MACROD2: variants seen among roughly 807,000 people sequenced by gnomAD.
MACROD2 encodes ADP-ribose glycohydrolase MACROD2.
MACROD2 carries 36 observed loss-of-function variants against 70.4 expected under a neutral mutation model. The observed-to-expected ratio is 0.51, with a 90% CI of 0.39 to 0.68. The LOEUF (loss-of-function observed/expected upper bound fraction) is 0.68. Among genes scored for constraint, MACROD2 ranks in the 30% least tolerant of loss-of-function variants. The pLI, the probability that MACROD2 is intolerant of heterozygous loss-of-function variation, is 0.00. For missense variants in MACROD2, 496 were observed against 538.4 expected, an observed-to-expected ratio of 0.92 and a Z score of 0.78; for synonymous variants, 172 against 178.8, an observed-to-expected ratio of 0.96 and a Z score of 0.30.
chr20:14,997,311 A>G (rs1200792397), intron 5 of MACROD2, among the ~76,000 whole-genome samples: 1 of 152,170 alleles, frequency 6.6e-6, no homozygotes, highest in Non-Finnish European at 1.5e-5. Flanking sequence ...CTGGGCCAGA[A>G]GGGAACCCAC....
chr20:15,091,279 T>G (rs1266006048), intron 5 of MACROD2, among the ~76,000 whole-genome samples: 2 of 152,008 alleles, frequency 1.3e-5, no homozygotes, highest in African/African-American at 2.4e-5. Context: ...CAAATCTTAC[T>G]TTGGGGGAAT....
At chr20:15,064,787 G>A (rs2075560763) in intron 5 of MACROD2, among the ~76,000 whole-genome samples, 4 of 152,096 alleles carry the variant, frequency 2.6e-5, no homozygotes. Context: ...CCGCAAAACG[G>A]CACACTTGGT....
intron 5 of MACROD2, among the ~76,000 whole-genome samples, chr20:15,221,745 G>A (rs1473101375): frequency 3.9e-5 from 6 of 152,212 alleles, no homozygotes; most frequent in Admixed American, 1.3e-4. Context: ...ATTTTATAAC[G>A]TGGGCTTAAA....
At chr20:14,711,155 C>A (rs981236585) in intron 5 of MACROD2, among the ~76,000 whole-genome samples, 1 of 152,134 alleles carries the variant, frequency 6.6e-6, no homozygotes, top group Non-Finnish European at 1.5e-5. Context: ...GCTCAGATTG[C>A]TCTGGAGTGG....
chr20:15,170,662 C>A (rs1189601193), intron 5 of MACROD2, among the ~76,000 whole-genome samples: 1 of 152,126 alleles, frequency 6.6e-6, no homozygotes, highest in Non-Finnish European at 1.5e-5. Flanking sequence ...CATACTCTGG[C>A]CAACTCAAAC....
intron 17 of MACROD2, among the ~76,000 whole-genome samples, chr20:16,045,756 G>A (rs191741062): frequency 3.9e-5 from 6 of 152,170 alleles, no homozygotes; most frequent in African/African-American, 9.6e-5. Flanking sequence ...AATTCCTGCC[G>A]TAGTTAGCTC....
At chr20:14,885,950 A>C (rs891487856) in intron 5 of MACROD2, among the ~76,000 whole-genome samples, 2 of 152,228 alleles carry the variant, frequency 1.3e-5, no homozygotes, top group East Asian at 3.9e-4. Flanking sequence ...TGGAGATACT[A>C]CAGTGAGCAA....
chr20:15,330,423 A>G (rs1383047265), intron 6 of MACROD2, among the ~76,000 whole-genome samples: 1 of 150,782 alleles, frequency 6.6e-6, no homozygotes, highest in Non-Finnish European at 1.5e-5. Context: ...CCGTCCATGA[A>G]AACGGATGGA....
intron 5 of MACROD2, among the ~76,000 whole-genome samples, chr20:14,756,916 CT>C (rs778938502): frequency 6.6e-6 from 1 of 152,034 alleles, no homozygotes; most frequent in Non-Finnish European, 1.5e-5. Flanking sequence ...CCCCTTGGCT[CT>C]TTTCTCATTC....
intron 3 of MACROD2, among the ~76,000 whole-genome samples, chr20:14,333,493 A>T (rs1256702144): frequency 6.6e-6 from 1 of 152,172 alleles, no homozygotes; most frequent in African/African-American, 2.4e-5. Flanking sequence ...ATATTAATTT[A>T]GAGAGTGGTG....
At chr20:15,116,600 G>A (rs971559301) in intron 5 of MACROD2, among the ~76,000 whole-genome samples, 10 of 152,310 alleles carry the variant, frequency 6.6e-5, no homozygotes, top group South Asian at 2.1e-4. Flanking sequence ...AGCCAAGATC[G>A]TGCCAATGCA....
chr20:15,170,011 A>G (rs565393730), intron 5 of MACROD2, among the ~76,000 whole-genome samples: 37 of 152,352 alleles, frequency 2.4e-4, no homozygotes, highest in East Asian at 5.8e-4. Context: ...TTTGCTGCCC[A>G]AAGAAAGCAA....
At chr20:14,356,782 G>T (rs1057164757) in intron 3 of MACROD2, among the ~76,000 whole-genome samples, 3 of 152,064 alleles carry the variant, frequency 2.0e-5, no homozygotes, top group African/African-American at 4.8e-5. Flanking sequence ...TGGGATTACA[G>T]GCGTGAGCCA....
At position 14,797,772 on chromosome 20, in the gene MACROD2, A is replaced by G. The variant is rs111521572; in HGVS notation, c.418+112813A>G. On this transcript the variant is annotated intron_variant, in intron 5 of 17. Transcript: ENST00000684519. ...TTTCTAATTGTACACTACCAATTCCATGGGGACCTGGATGATGCCTGCTTT... is the reference window on the plus strand; with the variant it reads ...TTTCTAATTGTACACTACCAATTCCGTGGGGACCTGGATGATGCCTGCTTT... 5.7e-3 allele frequency among the ~76,000 whole-genome samples: 871 copies of G among 152,154 alleles called. 5 individuals are homozygous for G. Among genetic ancestry groups the G allele is most frequent in the African/African-American group, 0.019 (790 of 41,454 alleles).
intron 5 of MACROD2, among the ~76,000 whole-genome samples, chr20:15,095,182 T>G (rs973434223): frequency 2.7e-5 from 4 of 147,192 alleles, no homozygotes; most frequent in African/African-American, 9.9e-5. Context: ...GTTCACGCCA[T>G]TCTCCTGCCT....
chr20:15,181,065 G>C (rs1487521756), intron 5 of MACROD2, among the ~76,000 whole-genome samples: 1 of 152,016 alleles, frequency 6.6e-6, no homozygotes, highest in Non-Finnish European at 1.5e-5. Flanking sequence ...TATATACAGG[G>C]GGACCTTGAC....
chr20:14,517,601 G>T (rs887000122), intron 4 of MACROD2, among the ~76,000 whole-genome samples: 4 of 152,092 alleles, frequency 2.6e-5, no homozygotes, highest in African/African-American at 4.8e-5. Context: ...ATGGATTGAT[G>T]GGTGCAGCAA....
chr20:14,311,861 C>T (rs1217483536), intron 3 of MACROD2, among the ~76,000 whole-genome samples: 3 of 152,048 alleles, frequency 2.0e-5, no homozygotes, highest in African/African-American at 7.2e-5. Context: ...TTCTGTTTAC[C>T]ACTGTTACCA....
chr20:14,462,409 A>C (rs2123020501), intron 3 of MACROD2, among the ~76,000 whole-genome samples: 1 of 151,984 alleles, frequency 6.6e-6, no homozygotes, highest in African/African-American at 2.4e-5. Flanking sequence ...AATTTGTTTG[A>C]GTTCATTGTA....
Sources: allele counts gnomAD v4.1 joint callset (sites outside exome capture counted in the v4.1 genomes callset), GRCh38; gene constraint gnomAD v4.1.1; transcripts MANE v1.5; gene names NCBI Gene and HGNC (gene_info 2026-07-23, HGNC 2026-07-21).